Variants in UBE3A observed in about 807,000 individuals in gnomAD.
UBE3A encodes ubiquitin protein ligase E3A.
UBE3A carries 6 observed loss-of-function variants against 83.4 expected under a neutral mutation model. The observed-to-expected ratio is 0.07, with a 90% CI of 0.04 to 0.14. UBE3A has a LOEUF of 0.14. UBE3A is among the 10% of genes least tolerant of loss of function. UBE3A has a pLI of 1.00. For missense variants in UBE3A, 456 were observed against 1,036.1 expected (o/e 0.44, Z 7.69); for synonymous variants, 337 against 355.4 (o/e 0.95, Z 0.58).
intron 5 of UBE3A, among the ~76,000 whole-genome samples, chr15:25,372,993 A>AT: frequency 6.6e-6 from 1 of 152,316 alleles, no homozygotes; most frequent in East Asian, 1.9e-4. Context: ...ATTTTATCAT[A>AT]CTAAGGATCT....
chr15:25,396,620 C>T (rs754050202), intron 4 of UBE3A, among the ~76,000 whole-genome samples: 6 of 152,264 alleles, frequency 3.9e-5, no homozygotes, highest in Non-Finnish European at 5.9e-5. Flanking sequence ...CAGAGCAAGA[C>T]AATATCTCAA....
chr15:25,343,230 A>T (rs2075149711), intron 11 of UBE3A, among the ~76,000 whole-genome samples: 1 of 152,192 alleles, frequency 6.6e-6, no homozygotes, highest in Non-Finnish European at 1.5e-5. Flanking sequence ...GTCTAAATAA[A>T]GTTATTATGG....
chr15:25,354,435 T>C lies in UBE3A; in HGVS notation c.2281-9A>G, dbSNP rs978341458. 6 of 1,613,650 alleles carry C rather than the reference T, an allele frequency of 3.7e-6. No individual in the cohort carries two copies. The African/African-American group carries it at 8.0e-5, about 22-fold the overall frequency. On this transcript the variant is annotated splice_polypyrimidine_tract_variant and intron_variant, in intron 10 of 12. Coordinates refer to ENST00000648336, the MANE Select transcript of UBE3A (RefSeq NM_130839.5). ...GCTTGGAAATCTAGATTCTGCAAAT[T>C]CAAGAAAATATGTCTTAGTTATCTG...
Position 25,370,764 on chromosome 15 carries a change from G to A in UBE3A, c.1410C>T (p.Asn470=). 1 of 1,613,984 alleles carries A rather than the reference G, an allele frequency of 6.2e-7. No individual in the cohort carries two copies. The highest frequency in any genetic ancestry group is 8.5e-7 in the Non-Finnish European group (1 of 1,179,890). Residue 470 remains asparagine, a synonymous_variant, in exon 6 of 13, where the codon AAC becomes AAT. Coordinates refer to ENST00000648336, the MANE Select transcript of UBE3A (RefSeq NM_130839.5). The surrounding 1 kb of genome is among the most constrained non-coding windows in gnomAD (Gnocchi z 4.2). ...AGGGACATGTCATAAAAGAGAATTTGTTCTCTGTTTCTACTTTGAAAAAAG... is the reference window on the plus strand; with the variant it reads ...AGGGACATGTCATAAAAGAGAATTTATTCTCTGTTTCTACTTTGAAAAAAG... ...DYTFFKVETE[N]KFSFMTCPFI...
At chr15:25,421,018 T>C (rs72697787) in intron 1 of UBE3A, among the ~76,000 whole-genome samples, 6,634 of 152,300 alleles carry the variant, frequency 0.044, 244 homozygotes, top group South Asian at 0.077. Flanking sequence ...TGAATGAACT[T>C]TGATGACTGA....
intron 4 of UBE3A, among the ~76,000 whole-genome samples, chr15:25,394,423 T>C (rs1020168246): frequency 8.5e-5 from 13 of 152,204 alleles, no homozygotes; most frequent in Non-Finnish European, 1.8e-4. Flanking sequence ...GAATATGATA[T>C]GAGAACCTAT....
intron 9 of UBE3A, among the ~76,000 whole-genome samples, chr15:25,354,955 C>A (rs2077024808): frequency 6.6e-6 from 1 of 152,140 alleles, no homozygotes; most frequent in South Asian, 2.1e-4. Context: ...TACAATTTCA[C>A]AATTCTCTGT....
intron 11 of UBE3A, among the ~76,000 whole-genome samples, chr15:25,352,391 C>CAAAT (rs1263623638): frequency 6.6e-6 from 1 of 152,118 alleles, no homozygotes; most frequent in Non-Finnish European, 1.5e-5. Flanking sequence ...CAGACCATGG[C>CAAAT]AAATAAAGTG....
intron 1 of UBE3A, chr15:25,418,633 G>C (rs1224828934): frequency 6.6e-6 from 1 of 152,268 alleles, no homozygotes; most frequent in East Asian, 1.9e-4. Flanking sequence ...AAGAGGTGTA[G>C]GTTCTATACC....
In UBE3A at chr15:25,335,833, T is replaced by G. The variant is rs1040951625; in HGVS notation, c.*3304A>C. The G allele has an allele frequency of 6.6e-6, 1 of 152,066 alleles. No homozygotes were observed. The highest frequency in any genetic ancestry group is 2.4e-5 in the African/African-American group (1 of 41,390). The allele number at this position is 152,066 out of a possible 1,614,324, so 9.4% of individuals were successfully genotyped here. A position where few individuals can be genotyped will look rare whatever the true frequency, so the allele number is the denominator to read the frequency against. ...GAACAGGTAAGGACTTTAAGCAGAA[T>G]TGGAGGAGTATCCATCTAAAATCTG... On this transcript the variant is annotated 3_prime_UTR_variant, in exon 13 of 13. Coordinates refer to ENST00000648336, the MANE Select transcript of UBE3A (RefSeq NM_130839.5).
Position 25,388,971 on chromosome 15 carries a change from CTAAA to C in UBE3A, c.63-13212_63-13209del, listed in dbSNP as rs376812465. On this transcript the variant is annotated intron_variant, in intron 4 of 12. Transcript: ENST00000648336. ...AACTCTGATGAAAGAAATCAAATAACTAAATAATGAAGAGCTATTCCATGACCCG... is the reference window on the plus strand; with the variant it reads ...AACTCTGATGAAAGAAATCAAATAACTAATGAAGAGCTATTCCATGACCCG... Among the ~76,000 whole-genome samples the C allele has an allele frequency of 2.0e-4, 30 of 152,138 alleles. No individual in the cohort carries two copies. The East Asian group carries it at 4.3e-3, about 22-fold the overall frequency.
intron 11 of UBE3A, among the ~76,000 whole-genome samples, chr15:25,350,445 A>C (rs953215500): frequency 6.6e-6 from 1 of 152,192 alleles, no homozygotes. Flanking sequence ...AGATAACTGA[A>C]ACCAAAAAAA....
At chr15:25,417,560 A>G (rs1352643874) in intron 1 of UBE3A, among the ~76,000 whole-genome samples, 1 of 152,160 alleles carries the variant, frequency 6.6e-6, no homozygotes, top group Non-Finnish European at 1.5e-5. Context: ...ATTTTCAAAC[A>G]GCTATTACAA....
At chr15:25,358,230 G>C (rs1027388697) in intron 7 of UBE3A, among the ~76,000 whole-genome samples, 1 of 151,820 alleles carries the variant, frequency 6.6e-6, no homozygotes, top group Non-Finnish European at 1.5e-5. Flanking sequence ...AAATAAGCTG[G>C]GTGTGGTAGC....
chr15:25,416,783 TGGATAACA>T (rs2153114935), intron 1 of UBE3A, among the ~76,000 whole-genome samples: 1 of 152,146 alleles, frequency 6.6e-6, no homozygotes, highest in South Asian at 2.1e-4. Flanking sequence ...TTTCAGACCT[TGGATAACA>T]GGCAGCAGAG....
chr15:25,367,238 T>TGTAAATATTTACATATTTGTAAATAC (rs2079386476), intron 6 of UBE3A, among the ~76,000 whole-genome samples: 1 of 76,226 alleles, frequency 1.3e-5, no homozygotes, highest in Non-Finnish European at 2.5e-5. Flanking sequence ...TTTGTAAATA[T>TGTAAATATTTACATATTTGTAAATAC]GTAAATATTT....
chr15:25,358,051 C>T (rs569061179), intron 7 of UBE3A, among the ~76,000 whole-genome samples: 20 of 151,902 alleles, frequency 1.3e-4, no homozygotes, highest in Non-Finnish European at 2.6e-4. Context: ...CAGGCGCCTG[C>T]GTGGAGGCCT....
chr15:25,341,724 T>G (rs1049918334), intron 11 of UBE3A, among the ~76,000 whole-genome samples: 2 of 145,940 alleles, frequency 1.4e-5, no homozygotes, highest in Non-Finnish European at 3.0e-5. Flanking sequence ...GATCACACCA[T>G]TGCACTCTAG....
intron 6 of UBE3A, among the ~76,000 whole-genome samples, chr15:25,366,456 T>C (rs2079118330): frequency 1.3e-5 from 2 of 152,198 alleles, no homozygotes; most frequent in African/African-American, 2.4e-5. Flanking sequence ...CAGTGACTTT[T>C]AGAGGGGATT....
Sources: allele counts gnomAD v4.1 joint callset (sites outside exome capture counted in the v4.1 genomes callset), GRCh38; gene constraint gnomAD v4.1.1; non-coding constraint Gnocchi (gnomAD v3.1); transcripts MANE v1.5; gene names NCBI Gene and HGNC (gene_info 2026-07-23, HGNC 2026-07-21).